ZFYVE28: variants seen among roughly 807,000 people sequenced by gnomAD.
ZFYVE28 encodes lateral signaling target protein 2 homolog.
Under a neutral mutation model 82.1 loss-of-function variants are expected in ZFYVE28, and 40 were observed. That is an observed-to-expected ratio of 0.49 (90% CI 0.38 to 0.63). The LOEUF (loss-of-function observed/expected upper bound fraction) is 0.63, where lower values mean the gene tolerates loss of function less well. ZFYVE28 is among the 30% of genes least tolerant of loss of function. The pLI is 0.00. For missense variants in ZFYVE28, 1,321 were observed against 1,242.1 expected (o/e 1.06, Z -0.96); for synonymous variants, 612 against 546.1 (o/e 1.12, Z -1.68).
intron 7 of ZFYVE28, among the ~76,000 whole-genome samples, chr4:2,314,861 C>G (rs1717980193): frequency 6.6e-6 from 1 of 152,166 alleles, no homozygotes; most frequent in Non-Finnish European, 1.5e-5. Flanking sequence ...TCACTGCAAC[C>G]TCAAACTCCT....
Position 2,339,660 on chromosome 4 carries a change from G to C in ZFYVE28, c.319-5C>G. 1 of 1,589,894 alleles carries C rather than the reference G, an allele frequency of 6.3e-7. No individual in the cohort carries two copies. The highest frequency in any genetic ancestry group is 1.3e-5 in the African/African-American group (1 of 74,606). ...GATGGAGCCGGCGGCCAGGCACTGC[G>C]GGAGGGGACACACTCAGGGAGGGGC... On this transcript the variant is annotated splice_region_variant and splice_polypyrimidine_tract_variant and intron_variant, in intron 3 of 12. Transcript: ENST00000290974. This position sits in a 1 kb window ranked among gnomAD's most constrained non-coding sequence, Gnocchi z 5.0.
At chr4:2,334,966 C>A in intron 6 of ZFYVE28, among the ~76,000 whole-genome samples, 1 of 149,668 alleles carries the variant, frequency 6.7e-6, no homozygotes, top group South Asian at 2.2e-4. Context: ...CGTCTGGAGT[C>A]AGGGTGTGGA....
chr4:2,390,885 G>A (rs1729748537), intron 1 of ZFYVE28, among the ~76,000 whole-genome samples: 1 of 152,244 alleles, frequency 6.6e-6, no homozygotes, highest in Non-Finnish European at 1.5e-5. Flanking sequence ...GTCCTGGGAT[G>A]CCCCGGTTGA....
chr4:2,400,400 C>T (rs1036127333), intron 1 of ZFYVE28, among the ~76,000 whole-genome samples: 1 of 147,720 alleles, frequency 6.8e-6, no homozygotes, highest in African/African-American at 2.5e-5. Context: ...CACACATTAC[C>T]AGTCTCGGCC....
rs1028132647 is a variant in ZFYVE28 at position 2,339,362 on chromosome 4, T to C, written c.521+91A>G. ...CCTGGCTCCTCCCTCTGTGGAATTT[T>C]CCAGCTTGAAGTATCAGGGTGAGCC... On this transcript the variant is annotated intron_variant, in intron 4 of 12. Transcript: ENST00000290974. The surrounding 1 kb of genome is among the most constrained non-coding windows in gnomAD (Gnocchi z 5.0). 1.4e-6 allele frequency: 2 copies of C among 1,437,338 alleles called. No homozygotes were observed. Among genetic ancestry groups the C allele is most frequent in the Non-Finnish European group, 1.9e-6 (2 of 1,058,404 alleles). The allele number at this position is 1,437,338 out of a possible 1,614,324, so 89.0% of individuals were successfully genotyped here. A position where few individuals can be genotyped will look rare whatever the true frequency, so the allele number is the denominator to read the frequency against.
intron 1 of ZFYVE28, among the ~76,000 whole-genome samples, chr4:2,358,514 A>C (rs1192591031): frequency 6.6e-6 from 1 of 151,782 alleles, no homozygotes; most frequent in Admixed American, 6.6e-5. Context: ...AGGGAAGCCG[A>C]CTCCCACCTG....
At chr4:2,270,912 G>A in intron 12 of ZFYVE28, 56 bp from the exon 13 acceptor site, 2 of 1,570,896 alleles carry the variant, frequency 1.3e-6, no homozygotes, top group Non-Finnish European at 8.6e-7. Flanking sequence ...ACCCACCCTG[G>A]CTCCTCGCCC....
intron 1 of ZFYVE28, among the ~76,000 whole-genome samples, chr4:2,391,396 C>G (rs1729808373): frequency 6.6e-6 from 1 of 151,000 alleles, no homozygotes; most frequent in African/African-American, 2.4e-5. Flanking sequence ...ACGTACATAA[C>G]AGATCCCACA....
At chr4:2,297,625 A>G (rs1714798646) in intron 8 of ZFYVE28, among the ~76,000 whole-genome samples, 1 of 152,272 alleles carries the variant, frequency 6.6e-6, no homozygotes, top group Non-Finnish European at 1.5e-5. Flanking sequence ...GATCATGGCA[A>G]AGATGGCCAG....
In ZFYVE28 at chr4:2,381,011, G is replaced by A. The variant is rs183455946; in HGVS notation, c.40-26938C>T. On this transcript the variant is annotated intron_variant, in intron 1 of 12. Coordinates refer to ENST00000290974, the MANE Select transcript of ZFYVE28 (RefSeq NM_020972.3). ...CTTTGGAAGAGAATAACAGGCAGAA[G>A]TTGGAACAGTTTGGAGGGCTCAGAA... Among the ~76,000 whole-genome samples, 75 of 152,324 alleles carry A rather than the reference G, an allele frequency of 4.9e-4. 1 individual carries two copies. The East Asian group carries it at 0.014, about 29-fold the overall frequency.
intron 7 of ZFYVE28, among the ~76,000 whole-genome samples, chr4:2,316,033 C>G (rs1354075380): frequency 2.6e-5 from 4 of 152,114 alleles, no homozygotes; most frequent in Non-Finnish European, 5.9e-5. Context: ...TTCTATTAAG[C>G]TATCCTCAAG....
chr4:2,298,638 A>G (rs1715018800), intron 8 of ZFYVE28, among the ~76,000 whole-genome samples: 1 of 152,190 alleles, frequency 6.6e-6, no homozygotes. Flanking sequence ...GCCAGAGAGG[A>G]TGCTGAGCAC....
intron 6 of ZFYVE28, among the ~76,000 whole-genome samples, chr4:2,327,270 ATATAT>A (rs1173753765): frequency 1.2e-4 from 3 of 24,420 alleles, no homozygotes; most frequent in African/African-American, 5.3e-4. Context: ...ATATATATAT[ATATAT>A]ATATATATAT....
chr4:2,344,655 G>T (rs1410475233), intron 2 of ZFYVE28, among the ~76,000 whole-genome samples: 1 of 152,218 alleles, frequency 6.6e-6, no homozygotes, highest in East Asian at 1.9e-4. Context: ...CCAGCACTTT[G>T]TGAGGCCAAG....
chr4:2,301,899 AGAGGCTGTTCGCGC>A (rs1285881402), intron 8 of ZFYVE28, among the ~76,000 whole-genome samples: 1 of 152,190 alleles, frequency 6.6e-6, no homozygotes, highest in Admixed American at 6.5e-5. Context: ...AAGAAAGAGG[AGAGGCTGTTCGCGC>A]GAGGCTGTTC....
intron 8 of ZFYVE28, among the ~76,000 whole-genome samples, chr4:2,289,925 AG>A (rs34270890): frequency 0.47 from 71,513 of 151,870 alleles, 17,797 homozygotes; most frequent in Non-Finnish European, 0.53. Flanking sequence ...GGGGACAGCC[AG>A]GCTGTGGCCA....
chr4:2,329,442 G>C (rs1447198075), intron 6 of ZFYVE28, among the ~76,000 whole-genome samples: 1 of 152,034 alleles, frequency 6.6e-6, no homozygotes, highest in Non-Finnish European at 1.5e-5. Flanking sequence ...GCCTTAAAAA[G>C]GTAGGAAATT....
rs1173469192 is a variant in ZFYVE28 at position 2,304,695 on chromosome 4, G to A, written c.1645C>T (p.Pro549Ser). ...EPVAEGMDGGPHKLSTGATNC... is the reference protein window; with the variant it reads ...EPVAEGMDGGSHKLSTGATNC... Reference sequence around the variant, plus strand: ...GTGGCCCCAGTGCTAAGCTTGTGGGGGCCGCCATCCATCCCCTCGGCCACG... The same window carrying A: ...GTGGCCCCAGTGCTAAGCTTGTGGGAGCCGCCATCCATCCCCTCGGCCACG... Residue 549 changes from proline to serine, a missense_variant, in exon 8 of 13, where the codon CCC (proline) becomes TCC (serine). Transcript: ENST00000290974. The A allele has an allele frequency of 8.7e-6, 14 of 1,612,616 alleles. No homozygotes were observed. Among genetic ancestry groups the A allele is most frequent in the South Asian group, 1.1e-5 (1 of 91,062 alleles).
In ZFYVE28 at chr4:2,409,533, T is replaced by G. The variant is rs1378767364; in HGVS notation, c.39+8752A>C. 6.6e-6 allele frequency among the ~76,000 whole-genome samples: 1 copy of G among 151,958 alleles called. No homozygotes were observed. The highest frequency in any genetic ancestry group is 2.4e-5 in the African/African-American group (1 of 41,360). The stretch of plus-strand genomic sequence containing the variant: ...TCCGCGACCCACACCCCCTTGCCAC[T>G]CACATCTCAGCAGCCCCCTCGCCCC... On this transcript the variant is annotated intron_variant, in intron 1 of 12. Transcript: ENST00000290974. The surrounding 1 kb of genome is among the most constrained non-coding windows in gnomAD (Gnocchi z 4.4).
Sources: gnomAD v4.1 joint callset for allele counts (sites outside exome capture counted in the v4.1 genomes callset) on GRCh38, gnomAD v4.1.1 for gene constraint, Gnocchi (gnomAD v3.1) non-coding constraint, MANE v1.5 for transcripts, NCBI Gene and HGNC (gene_info 2026-07-23, HGNC 2026-07-21) for gene names.